Variants in CFAP95 observed in about 807,000 individuals in gnomAD.
CFAP95 encodes the protein cilia- and flagella-associated protein 95.
At chr9:69,905,752 T>G in the CFAP95 span, among the ~76,000 whole-genome samples, 1 of 152,224 alleles carries the variant, frequency 6.6e-6, no homozygotes, top group African/African-American at 2.4e-5. Flanking sequence ...TGAATTATAT[T>G]CTTTTTTTGG....
chr9:69,879,405 C>G, the CFAP95 span, among the ~76,000 whole-genome samples: 1 of 152,210 alleles, frequency 6.6e-6, no homozygotes, highest in East Asian at 1.9e-4. Flanking sequence ...GAGAAAGTCT[C>G]CAGCATGGAC....
At chr9:69,885,016 T>A in the CFAP95 span, 2 of 152,210 alleles carry the variant, frequency 1.3e-5, no homozygotes, top group Non-Finnish European at 2.9e-5. Flanking sequence ...TTAGTTGTTT[T>A]GTGGTGGGAA....
the CFAP95 span, chr9:69,858,070 G>C: frequency 5.8e-6 from 7 of 1,214,746 alleles, no homozygotes; most frequent in South Asian, 8.7e-5. Context: ...GGTGAGCCAA[G>C]GTCAACAAAA....
chr9:69,848,730 C>T, the CFAP95 span, among the ~76,000 whole-genome samples: 2 of 152,130 alleles, frequency 1.3e-5, no homozygotes, highest in Non-Finnish European at 2.9e-5. Context: ...GTATAGTGGG[C>T]CAGGCCGAAG....
chr9:69,857,471 A>G, the CFAP95 span, among the ~76,000 whole-genome samples: 4 of 152,244 alleles, frequency 2.6e-5, no homozygotes, highest in Admixed American at 2.0e-4. Flanking sequence ...AGTTGCAAAC[A>G]TGAAAACTCT....
the CFAP95 span, among the ~76,000 whole-genome samples, chr9:69,856,938 T>TTC: frequency 2.0e-5 from 3 of 149,690 alleles, no homozygotes; most frequent in Middle Eastern, 3.4e-3. Context: ...TTTTTTTTTT[T>TTC]CTGGCCCAAG....
At chr9:69,906,100 C>T in the CFAP95 span, 1 of 1,611,580 alleles carries the variant, frequency 6.2e-7, no homozygotes, top group Non-Finnish European at 8.5e-7. Context: ...AACAGAAACT[C>T]TATCCCTTGA....
At chr9:69,845,086 G>T in the CFAP95 span, among the ~76,000 whole-genome samples, 1 of 152,156 alleles carries the variant, frequency 6.6e-6, no homozygotes, top group South Asian at 2.1e-4. Flanking sequence ...CCTGGTCTTT[G>T]GTTTCAAGTG....
the CFAP95 span, chr9:69,857,916 G>C: frequency 1.5e-5 from 25 of 1,613,792 alleles, 1 homozygote; most frequent in Middle Eastern, 1.7e-4. Flanking sequence ...TAGGGTCACC[G>C]GATTGCCTGC....
At chr9:69,847,580 G>T in the CFAP95 span, among the ~76,000 whole-genome samples, 47 of 152,178 alleles carry the variant, frequency 3.1e-4, 1 homozygote, top group African/African-American at 1.1e-3. Flanking sequence ...CTCTGGCTTG[G>T]ATATTGTATA....
the CFAP95 span, among the ~76,000 whole-genome samples, chr9:69,894,547 G>T: frequency 6.6e-6 from 1 of 152,144 alleles, no homozygotes; most frequent in Non-Finnish European, 1.5e-5. Flanking sequence ...ACATGTATTA[G>T]CTCACTTAAT....
the CFAP95 span, among the ~76,000 whole-genome samples, chr9:69,884,182 C>T: frequency 6.6e-6 from 1 of 152,004 alleles, no homozygotes; most frequent in Admixed American, 6.6e-5. Context: ...TTTTAATTTC[C>T]ATGCATTGGT....
At chr9:69,849,419 A>T in the CFAP95 span, among the ~76,000 whole-genome samples, 10 of 152,278 alleles carry the variant, frequency 6.6e-5, no homozygotes, top group East Asian at 1.9e-4. Context: ...TCTACATTCA[A>T]CAAACATTTT....
chr9:69,899,968 A>T, the CFAP95 span, among the ~76,000 whole-genome samples: 2,333 of 152,290 alleles, frequency 0.015, 60 homozygotes, highest in African/African-American at 0.052. Context: ...ATAAATCAAA[A>T]CCATGAGTAC....
chr9:69,821,084 G>T, the CFAP95 span: 1 of 1,589,596 alleles, frequency 6.3e-7, no homozygotes. Flanking sequence ...GAAAGAGAGG[G>T]GAAAGGATGG....
the CFAP95 span, among the ~76,000 whole-genome samples, chr9:69,850,390 A>G: frequency 6.6e-6 from 1 of 152,240 alleles, no homozygotes; most frequent in African/African-American, 2.4e-5. Context: ...AAATAAATGA[A>G]TAGTACAAAA....
At chr9:69,894,166 A>G in the CFAP95 span, among the ~76,000 whole-genome samples, 2 of 152,202 alleles carry the variant, frequency 1.3e-5, no homozygotes, top group African/African-American at 4.8e-5. Flanking sequence ...TGCTGACCTT[A>G]TATTTATACT....
the CFAP95 span, among the ~76,000 whole-genome samples, chr9:69,834,652 A>C: frequency 2.0e-5 from 3 of 152,186 alleles, no homozygotes; most frequent in East Asian, 5.8e-4. Flanking sequence ...TCTATGAAGA[A>C]AATTTATAAT....
chr9:69,823,415 A>AT, the CFAP95 span, among the ~76,000 whole-genome samples: 7 of 152,208 alleles, frequency 4.6e-5, no homozygotes, highest in East Asian at 7.7e-4. Context: ...TTGATTTAGC[A>AT]TAGCATAATG....
Sources: allele counts gnomAD v4.1 joint callset (sites outside exome capture counted in the v4.1 genomes callset), GRCh38; gene constraint gnomAD v4.1.1; transcripts MANE v1.5; gene names NCBI Gene and HGNC (gene_info 2026-07-23, HGNC 2026-07-21).